Variants in SEC63 observed in about 807,000 individuals in gnomAD.
SEC63 encodes translocation protein SEC63 homolog.
In SEC63, 56 loss-of-function variants were observed where a neutral mutation model predicts 116.2. That is an observed-to-expected ratio of 0.48 (90% CI 0.39 to 0.60). SEC63 has a LOEUF of 0.60. Among genes scored for constraint, SEC63 ranks in the 20% least tolerant of loss-of-function variants. The pLI, the probability that SEC63 is intolerant of heterozygous loss-of-function variation, is 0.00. For synonymous variants in SEC63, 273 were observed against 294.6 expected (o/e 0.93, Z 0.75); for missense variants, 668 against 900.0 (o/e 0.74, Z 3.30).
At chr6:107,928,382 A>C (rs191408998) in intron 2 of SEC63, among the ~76,000 whole-genome samples, 1 of 151,982 alleles carries the variant, frequency 6.6e-6, no homozygotes, top group East Asian at 1.9e-4. Context: ...CCACCTACTC[A>C]GGAGGCTGAG....
At chr6:107,918,849 C>T (rs1787478054) in intron 4 of SEC63, among the ~76,000 whole-genome samples, 1 of 149,994 alleles carries the variant, frequency 6.7e-6, no homozygotes. Context: ...ATTTGTGATT[C>T]ACAGGAAGAG....
chr6:107,946,711 T>G (rs750557935), intron 1 of SEC63, among the ~76,000 whole-genome samples: 188 of 152,294 alleles, frequency 1.2e-3, no homozygotes, highest in Non-Finnish European at 2.0e-3. Context: ...ATCAGATCGC[T>G]AATATTCCTT....
intron 6 of SEC63, 90 bp downstream of exon 6, chr6:107,912,626 T>G: frequency 1.3e-6 from 1 of 776,946 alleles, no homozygotes; most frequent in Non-Finnish European, 2.3e-6. Context: ...ATTTTCTTTG[T>G]AATAGTTCTT....
intron 4 of SEC63, among the ~76,000 whole-genome samples, chr6:107,918,572 G>T (rs987588577): frequency 6.6e-6 from 1 of 151,760 alleles, no homozygotes; most frequent in Non-Finnish European, 1.5e-5. Flanking sequence ...CATGCCTGTA[G>T]TCCGAGCTAC....
chr6:107,913,084 A>C (rs1787322274), intron 5 of SEC63, among the ~76,000 whole-genome samples: 1 of 152,214 alleles, frequency 6.6e-6, no homozygotes, highest in African/African-American at 2.4e-5. Flanking sequence ...AGAAAATGTG[A>C]AGTCTGTAAA....
chr6:107,958,022 T>C lies in SEC63; in HGVS notation c.-13A>G. 6.2e-7 allele frequency: 1 copy of C among 1,612,586 alleles called. No individual in the cohort carries two copies. The highest frequency in any genetic ancestry group is 2.2e-5 in the East Asian group (1 of 44,788). On this transcript the variant is annotated 5_prime_UTR_variant, in exon 1 of 21. Transcript: ENST00000369002. Reference sequence around the variant, plus strand: ...GCTGCCCGGCCATGGCACCCCCTCCTCCGCCTCGCTCTTCTCACCGCCGCC... The same window carrying C: ...GCTGCCCGGCCATGGCACCCCCTCCCCCGCCTCGCTCTTCTCACCGCCGCC...
Position 107,872,907 on chromosome 6 carries a change from C to G in SEC63, c.2040G>C (p.Glu680Asp). 1 of 1,544,296 alleles carries G rather than the reference C, an allele frequency of 6.5e-7. No homozygotes were observed. The highest frequency in any genetic ancestry group is 1.2e-5 in the South Asian group (1 of 84,154). The part of the protein sequence containing the change: ...VCTLKDTEEV[E>D]LKFPAPGKPG... ...GCTTGCCTGGTGCAGGAAACTTCAG[C>G]TCTACCTAGAAGATAAAATCAGCAC... Residue 680 changes from glutamate to aspartate, a missense_variant, in exon 20 of 21, where the codon GAG becomes GAC. Physicochemically the swap from Glu to Asp is conservative, Grantham distance 45. This residue lies in a region of SEC63 where 85 missense variants were observed against 116.3 expected (regional missense o/e 0.73). Coordinates refer to ENST00000369002, the MANE Select transcript of SEC63 (RefSeq NM_007214.5).
chr6:107,913,351 C>T lies in SEC63; in HGVS notation c.514+15G>A. On this transcript the variant is annotated intron_variant, in intron 5 of 20. Transcript: ENST00000369002. The stretch of plus-strand genomic sequence containing the variant: ...TACCATATCGCCAATATTTTAAAAT[C>T]ATCATTTACCACACCTTGAGGCCCA... The T allele has an allele frequency of 6.6e-7, 1 of 1,522,298 alleles. No individual in the cohort carries two copies. Among genetic ancestry groups the T allele is most frequent in the Non-Finnish European group, 9.1e-7 (1 of 1,096,614 alleles). The allele number at this position is 1,522,298 out of a possible 1,614,324, so 94.3% of individuals were successfully genotyped here. A position where few individuals can be genotyped will look rare whatever the true frequency, so the allele number is the denominator to read the frequency against.
chr6:107,952,905 G>A (rs1306715470), intron 1 of SEC63, among the ~76,000 whole-genome samples: 2 of 152,070 alleles, frequency 1.3e-5, no homozygotes, highest in African/African-American at 4.8e-5. Flanking sequence ...TTTTGTATTT[G>A]GCTACTTAAC....
chr6:107,894,831 T>G (rs1014107394), intron 14 of SEC63, among the ~76,000 whole-genome samples: 10 of 151,994 alleles, frequency 6.6e-5, no homozygotes, highest in African/African-American at 2.4e-4. Context: ...CTTGAACTCC[T>G]GAGCTCAAAG....
At chr6:107,872,716 A>G (rs1408621454) in intron 20 of SEC63, 92 bp downstream of exon 20, 2 of 796,578 alleles carry the variant, frequency 2.5e-6, no homozygotes, top group Non-Finnish European at 4.3e-6. Context: ...TTTTCCTTCC[A>G]TAACTCTACA....
intron 16 of SEC63, among the ~76,000 whole-genome samples, chr6:107,885,027 GAATAGCTACAAAAAACTTACACCT>G (rs1786497132): frequency 6.6e-6 from 1 of 151,748 alleles, no homozygotes; most frequent in Non-Finnish European, 1.5e-5. Flanking sequence ...ACCGGACAAA[GAATAGCTACAAAAAACTTACACCT>G]AACATCACAT....
chr6:107,876,797 C>A lies in SEC63; in HGVS notation c.1936-135G>T, dbSNP rs1465877452. 1.6e-5 allele frequency: 10 copies of A among 635,382 alleles called. No individual in the cohort carries two copies. In the African/African-American group the frequency reaches 1.9e-4, roughly 12 times the overall value. The allele number at this position is 635,382 out of a possible 1,614,324, so 39.4% of individuals were successfully genotyped here. On this transcript the variant is annotated intron_variant, in intron 18 of 20. Transcript: ENST00000369002. ...AACTGCTTGGTACAAAATAGGTATT[C>A]AAATGAATATTTACTGAAAGAATAA...
chr6:107,893,393 A>T, intron 16 of SEC63, 89 bp downstream of exon 16: 1 of 1,328,180 alleles, frequency 7.5e-7, no homozygotes, highest in Non-Finnish European at 1.1e-6. Context: ...AAATTATGTA[A>T]AACTTTTGAA....
chr6:107,929,311 T>C, intron 2 of SEC63, 104 bp downstream of exon 2: 1 of 678,114 alleles, frequency 1.5e-6, no homozygotes. Flanking sequence ...AGATTACAAT[T>C]TCTTTACAGA....
chr6:107,875,065 C>T (rs939514530), intron 19 of SEC63, among the ~76,000 whole-genome samples: 6 of 151,976 alleles, frequency 3.9e-5, no homozygotes, highest in Non-Finnish European at 8.8e-5. Context: ...GGTCTCACCA[C>T]GTTGCCCAGA....
chr6:107,896,031 T>C (rs1786806602), intron 14 of SEC63, among the ~76,000 whole-genome samples: 1 of 150,570 alleles, frequency 6.6e-6, no homozygotes, highest in African/African-American at 2.4e-5. Context: ...CTGGACATGG[T>C]GGTGCACACC....
At chr6:107,954,123 G>GA (rs1770651644) in intron 1 of SEC63, among the ~76,000 whole-genome samples, 1 of 152,182 alleles carries the variant, frequency 6.6e-6, no homozygotes, top group Admixed American at 6.5e-5. Flanking sequence ...TCTGTACTAG[G>GA]AAAAATTCTT....
chr6:107,886,849 T>TG (rs1039948338), intron 16 of SEC63, among the ~76,000 whole-genome samples: 4 of 150,314 alleles, frequency 2.7e-5, no homozygotes, highest in Non-Finnish European at 5.9e-5. Context: ...TTTTGGGTTT[T>TG]TTTTTTTTTT....
Sources: gnomAD v4.1 joint callset for allele counts (sites outside exome capture counted in the v4.1 genomes callset) on GRCh38, gnomAD v4.1.1 for gene constraint, gnomAD v4.1.1 regional missense constraint, MANE v1.5 for transcripts, NCBI Gene and HGNC (gene_info 2026-07-23, HGNC 2026-07-21) for gene names.